The following NBEA variants were observed in gnomAD, a reference collection of about 807,000 sequenced individuals.
NBEA encodes the protein lysosomal-trafficking regulator 2.
In NBEA, 44 loss-of-function variants were observed where a neutral mutation model predicts 343.4. That is an observed-to-expected ratio of 0.13 (90% CI 0.10 to 0.16). The LOEUF is 0.16. Ranked by LOEUF, NBEA falls within the 10% of genes least tolerant of loss-of-function variation. The probability of loss-of-function intolerance (pLI) is 1.00; values close to 1 mark genes in which losing one functional copy is unlikely to be tolerated. For missense variants in NBEA, 2,555 were observed against 3,631.3 expected (o/e 0.70, Z 7.62); for synonymous variants, 1,175 against 1,238.7 (o/e 0.95, Z 1.08).
intron 30 of NBEA, among the ~76,000 whole-genome samples, chr13:35,190,450 T>A (rs961222164): frequency 3.3e-5 from 5 of 152,020 alleles, no homozygotes; most frequent in African/African-American, 9.7e-5. Context: ...ATGAGAACAT[T>A]GCAAGCATAC....
chr13:35,105,694 C>G (rs1156815463), intron 11 of NBEA, among the ~76,000 whole-genome samples: 1 of 152,002 alleles, frequency 6.6e-6, no homozygotes, highest in Admixed American at 6.6e-5. Context: ...CTGCCACCCT[C>G]CCCTCCACTC....
intron 36 of NBEA, among the ~76,000 whole-genome samples, chr13:35,328,928 A>G (rs778696344): frequency 6.6e-6 from 1 of 151,964 alleles, no homozygotes; most frequent in Non-Finnish European, 1.5e-5. Context: ...ACAATAATCA[A>G]GACAGGATAG....
chr13:35,325,513 T>C (rs1427469345), intron 36 of NBEA, among the ~76,000 whole-genome samples: 3 of 151,968 alleles, frequency 2.0e-5, no homozygotes, highest in Non-Finnish European at 4.4e-5. Flanking sequence ...TTATGAGATA[T>C]CGTAATACTG....
chr13:35,109,140 G>A (rs766297572), intron 11 of NBEA, 150 bp from the exon 12 acceptor site: 338 of 695,644 alleles, frequency 4.9e-4, no homozygotes, highest in Non-Finnish European at 6.6e-4. Context: ...ATCTCTTAAA[G>A]TTATATTTTA....
chr13:35,049,134 G>C (rs556477388), intron 5 of NBEA, among the ~76,000 whole-genome samples: 1 of 151,846 alleles, frequency 6.6e-6, no homozygotes, highest in South Asian at 2.1e-4. Context: ...AAGATTATTT[G>C]GTGTAGACAA....
chr13:34,948,019 C>T (rs965539397), intron 1 of NBEA, among the ~76,000 whole-genome samples: 18 of 152,154 alleles, frequency 1.2e-4, no homozygotes, highest in Non-Finnish European at 2.9e-5. Context: ...CAAATATAAT[C>T]ACATAACAAG....
chr13:35,111,297 T>C (rs1031503361), intron 13 of NBEA, among the ~76,000 whole-genome samples: 1 of 152,130 alleles, frequency 6.6e-6, no homozygotes, highest in African/African-American at 2.4e-5. Context: ...TTCTAGTACA[T>C]CAGTTGCTTT....
intron 18 of NBEA, among the ~76,000 whole-genome samples, chr13:35,153,356 A>G (rs1343023717): frequency 1.3e-5 from 2 of 152,038 alleles, no homozygotes; most frequent in Non-Finnish European, 2.9e-5. Context: ...ATGATAGTCT[A>G]TCATGTTTTG....
At chr13:35,008,648 A>G (rs1337130660) in intron 1 of NBEA, among the ~76,000 whole-genome samples, 1 of 152,138 alleles carries the variant, frequency 6.6e-6, no homozygotes, top group Non-Finnish European at 1.5e-5. Context: ...TAATTCTAGA[A>G]TACTTCCATT....
At chr13:35,196,860 T>A (rs1351781690) in intron 31 of NBEA, among the ~76,000 whole-genome samples, 1 of 152,166 alleles carries the variant, frequency 6.6e-6, no homozygotes, top group Non-Finnish European at 1.5e-5. Flanking sequence ...AGCATGTATT[T>A]AAAAGTAAAT....
chr13:35,266,792 A>G (rs982210569), intron 34 of NBEA, among the ~76,000 whole-genome samples: 7 of 151,878 alleles, frequency 4.6e-5, no homozygotes, highest in Non-Finnish European at 7.4e-5. Flanking sequence ...TATTGTTAAC[A>G]ATAAACAGTT....
chr13:35,328,783 T>A (rs189565761), intron 36 of NBEA, among the ~76,000 whole-genome samples: 330 of 152,062 alleles, frequency 2.2e-3, no homozygotes, highest in Non-Finnish European at 3.3e-3. Flanking sequence ...GGTTTTTTTT[T>A]TTTTGGTAGA....
At chr13:35,303,844 T>A (rs1256393410) in intron 35 of NBEA, among the ~76,000 whole-genome samples, 1 of 152,196 alleles carries the variant, frequency 6.6e-6, no homozygotes, top group Non-Finnish European at 1.5e-5. Flanking sequence ...TTGGCTTTAA[T>A]CACAAAGCTT....
intron 40 of NBEA, among the ~76,000 whole-genome samples, chr13:35,452,570 G>C (rs118048922): frequency 6.6e-6 from 1 of 152,038 alleles, no homozygotes. Context: ...ATTGATTTAC[G>C]TGTATCTCCA....
At position 35,671,581 on chromosome 13, in the gene NBEA, A is replaced by G. The variant is rs1436312808; in HGVS notation, c.*590A>G. On this transcript the variant is annotated 3_prime_UTR_variant, in exon 59 of 59. Coordinates refer to ENST00000379939, the MANE Select transcript of NBEA (RefSeq NM_001385012.1). ...TGCATTCACACTATGAAACAGAAAG[A>G]TCTGTCCAAGGACACAGCTTGTATG... The G allele has an allele frequency of 6.5e-6, 1 of 152,782 alleles. No homozygotes were observed. The highest frequency in any genetic ancestry group is 6.5e-5 in the Admixed American group (1 of 15,298). 9.5% of individuals were successfully genotyped at this position (152,782 alleles called of 1,614,324 possible). A position where few individuals can be genotyped will look rare whatever the true frequency, so the allele number is the denominator to read the frequency against.
chr13:35,602,295 A>G (rs1379566499), intron 47 of NBEA, among the ~76,000 whole-genome samples: 1 of 152,236 alleles, frequency 6.6e-6, no homozygotes, highest in Non-Finnish European at 1.5e-5. Context: ...CTAACTTTAA[A>G]TAAAACTTGC....
At position 35,158,999 on chromosome 13, in the gene NBEA, C is replaced by T; in HGVS notation, c.2845-17C>T. Reference sequence around the variant, plus strand: ...TATGTACAAAATGCCTTAATGTTTTCTTTACTTATTCCTAAGGTCACTTAT... The same window carrying T: ...TATGTACAAAATGCCTTAATGTTTTTTTTACTTATTCCTAAGGTCACTTAT... On this transcript the variant is annotated splice_polypyrimidine_tract_variant and intron_variant, in intron 21 of 58. Transcript: ENST00000379939. 1 of 1,537,102 alleles carries T rather than the reference C, an allele frequency of 6.5e-7. No individual in the cohort carries two copies. Among genetic ancestry groups the T allele is most frequent in the Non-Finnish European group, 8.7e-7 (1 of 1,146,622 alleles).
intron 1 of NBEA, among the ~76,000 whole-genome samples, chr13:34,978,370 A>G (rs2060248556): frequency 6.6e-6 from 1 of 152,188 alleles, no homozygotes; most frequent in Non-Finnish European, 1.5e-5. Flanking sequence ...AAATAACTTT[A>G]TCACATATCT....
intron 36 of NBEA, among the ~76,000 whole-genome samples, chr13:35,336,407 G>A (rs2039264030): frequency 6.6e-6 from 1 of 152,046 alleles, no homozygotes; most frequent in African/African-American, 2.4e-5. Context: ...AAAGAGATAT[G>A]CTTATACACT....
Sources: allele counts gnomAD v4.1 joint callset (sites outside exome capture counted in the v4.1 genomes callset), GRCh38; gene constraint gnomAD v4.1.1; transcripts MANE v1.5; gene names NCBI Gene and HGNC (gene_info 2026-07-23, HGNC 2026-07-21).